BNC2: variants seen among roughly 807,000 people sequenced by gnomAD.
BNC2 encodes the protein basonuclin zinc finger protein 2.
In BNC2, 20 loss-of-function variants were observed where a neutral mutation model predicts 76.3. That is an observed-to-expected ratio of 0.26 (90% confidence interval 0.18 to 0.38). The LOEUF (loss-of-function observed/expected upper bound fraction) is 0.38. Among genes scored for constraint, BNC2 ranks in the 10% least tolerant of loss-of-function variants. The pLI, the probability that BNC2 is intolerant of heterozygous loss-of-function variation, is 1.00. For missense variants in BNC2, 1,382 were observed against 1,399.8 expected, an observed-to-expected ratio of 0.99 and a Z score of 0.20; for synonymous variants, 582 against 514.8, an observed-to-expected ratio of 1.13 and a Z score of -1.77.
chr9:16,685,157 C>A (rs1296326316), intron 3 of BNC2, among the ~76,000 whole-genome samples: 2 of 152,160 alleles, frequency 1.3e-5, no homozygotes. Flanking sequence ...GCACTAACTG[C>A]TGAATATATG....
chr9:16,494,242 T>A (rs1238010815), intron 5 of BNC2, among the ~76,000 whole-genome samples: 1 of 152,064 alleles, frequency 6.6e-6, no homozygotes, highest in Non-Finnish European at 1.5e-5. Flanking sequence ...AAACTACACC[T>A]CCCAGATTCA....
chr9:16,458,833 C>T (rs1255039386), intron 5 of BNC2, among the ~76,000 whole-genome samples: 1 of 152,230 alleles, frequency 6.6e-6, no homozygotes, highest in Non-Finnish European at 1.5e-5. Context: ...CACTTAATTA[C>T]TCCATCACTC....
intron 6 of BNC2, among the ~76,000 whole-genome samples, chr9:16,423,551 T>C (rs1028936698): frequency 1.3e-5 from 2 of 152,184 alleles, no homozygotes; most frequent in Non-Finnish European, 2.9e-5. Context: ...GTAGAATACT[T>C]TGCACAGAGG....
chr9:16,727,133 G>C (rs921827496), intron 3 of BNC2: 2 of 152,898 alleles, frequency 1.3e-5, no homozygotes, highest in African/African-American at 4.8e-5. Context: ...GCCGGCGGGC[G>C]GGCGGGAGAG....
intron 3 of BNC2, among the ~76,000 whole-genome samples, chr9:16,655,662 A>G (rs1307315510): frequency 6.6e-6 from 1 of 152,238 alleles, no homozygotes; most frequent in Non-Finnish European, 1.5e-5. Context: ...AACAAAAGAT[A>G]TTATACAACT....
intron 3 of BNC2, among the ~76,000 whole-genome samples, chr9:16,661,366 C>T (rs1822106065): frequency 6.6e-6 from 1 of 152,196 alleles, no homozygotes; most frequent in South Asian, 2.1e-4. Context: ...GCATGTACCA[C>T]CTGCCCTTAC....
chr9:16,845,454 G>T (rs191140751), intron 1 of BNC2, among the ~76,000 whole-genome samples: 356 of 152,310 alleles, frequency 2.3e-3, no homozygotes, highest in African/African-American at 7.8e-3. Context: ...GGGCGCGGTG[G>T]CTCACACCTG....
intron 1 of BNC2, among the ~76,000 whole-genome samples, chr9:16,749,480 G>A (rs1238688403): frequency 6.6e-6 from 1 of 152,124 alleles, no homozygotes; most frequent in Non-Finnish European, 1.5e-5. Flanking sequence ...AAAGTCAACA[G>A]CTTGAGCCCG....
intron 4 of BNC2, among the ~76,000 whole-genome samples, chr9:16,564,708 G>C (rs1272186666): frequency 6.6e-6 from 1 of 152,112 alleles, no homozygotes; most frequent in African/African-American, 2.4e-5. Flanking sequence ...TTTTCTCATA[G>C]GTGCTTATTG....
intron 6 of BNC2, among the ~76,000 whole-genome samples, chr9:16,424,463 C>T (rs1226495342): frequency 7.6e-6 from 1 of 131,538 alleles, no homozygotes; most frequent in African/African-American, 2.8e-5. Context: ...TAACTGAGGC[C>T]CCACTTTGGA....
At chr9:16,824,976 G>A (rs1347172852) in intron 1 of BNC2, among the ~76,000 whole-genome samples, 3 of 152,038 alleles carry the variant, frequency 2.0e-5, no homozygotes, top group Non-Finnish European at 2.9e-5. Context: ...GCCATCTGGT[G>A]TTAAGATATA....
intron 6 of BNC2, chr9:16,434,728 G>A (rs1820969247): frequency 7.1e-6 from 3 of 424,412 alleles, no homozygotes; most frequent in Non-Finnish European, 1.4e-5. Flanking sequence ...AAGCCCAACT[G>A]TTTCAGAGCT....
chr9:16,569,441 CCAGGGTAGA>C (rs958456233), intron 4 of BNC2, among the ~76,000 whole-genome samples: 23 of 152,178 alleles, frequency 1.5e-4, no homozygotes, highest in African/African-American at 5.1e-4. Flanking sequence ...CACAATTAGT[CCAGGGTAGA>C]CACTGAGCTC....
chr9:16,727,025 C>T (rs552157023), intron 3 of BNC2: 35 of 152,366 alleles, frequency 2.3e-4, no homozygotes, highest in African/African-American at 6.7e-4. Flanking sequence ...TCGGCTTTCC[C>T]AGCAGAGCCA....
At chr9:16,776,484 A>G (rs1172795754) in intron 1 of BNC2, among the ~76,000 whole-genome samples, 1 of 152,224 alleles carries the variant, frequency 6.6e-6, no homozygotes, top group Non-Finnish European at 1.5e-5. Context: ...TAAAATGGCT[A>G]GTACTCCTTA....
intron 3 of BNC2, among the ~76,000 whole-genome samples, chr9:16,595,455 G>A (rs900410670): frequency 3.3e-5 from 5 of 152,036 alleles, no homozygotes; most frequent in African/African-American, 9.7e-5. Context: ...CTTCATTAGC[G>A]CTTCACATAA....
intron 3 of BNC2, among the ~76,000 whole-genome samples, chr9:16,683,281 C>G (rs183910350): frequency 6.6e-6 from 1 of 152,258 alleles, no homozygotes; most frequent in African/African-American, 2.4e-5. Context: ...AGGCAAAGAG[C>G]AGAAAGGGGC....
At chr9:16,743,290 G>A (rs754937890) in intron 1 of BNC2, among the ~76,000 whole-genome samples, 3 of 152,088 alleles carry the variant, frequency 2.0e-5, no homozygotes, top group East Asian at 1.9e-4. Context: ...TTAATCTAAG[G>A]TTTAGAGGAG....
chr9:16,816,542 T>A (rs186829319), intron 1 of BNC2, among the ~76,000 whole-genome samples: 1 of 152,162 alleles, frequency 6.6e-6, no homozygotes, highest in Non-Finnish European at 1.5e-5. Flanking sequence ...AGTATAACAA[T>A]GACAGCAGAT....
Sources: allele counts gnomAD v4.1 joint callset (sites outside exome capture counted in the v4.1 genomes callset), GRCh38; gene constraint gnomAD v4.1.1; transcripts MANE v1.5; gene names NCBI Gene and HGNC (gene_info 2026-07-23, HGNC 2026-07-21).